PSORS1C2: variants seen among roughly 807,000 people sequenced by gnomAD.
The protein encoded by PSORS1C2 is psoriasis susceptibility 1 candidate gene 2 protein.
In PSORS1C2, 13 loss-of-function variants were observed where a neutral mutation model predicts 12.2. The observed-to-expected ratio is 1.07, with a 90% CI of 0.70 to 1.70. The LOEUF is 1.70. Ranked by LOEUF, PSORS1C2 falls within the 40% of genes most tolerant of loss-of-function variation. The pLI, the probability that PSORS1C2 is intolerant of heterozygous loss-of-function variation, is 0.00. For missense variants in PSORS1C2, 186 were observed against 173.4 expected (o/e 1.07, Z -0.41); for synonymous variants, 76 against 69.2 (o/e 1.10, Z -0.49).
rs779176995 is a variant in PSORS1C2 at position 31,138,729 on chromosome 6, C to A, written c.55+243G>T. On this transcript the variant is annotated intron_variant, in intron 1 of 1. Transcript: ENST00000259845. ...CCAGCTCCGAGGAAACTCGTCCCCC[C>A]CACGTTAATCCTGACCGACTTTGCC... The A allele has an allele frequency of 4.3e-6, 7 of 1,613,692 alleles. No homozygotes were observed. In the Admixed American group the frequency reaches 1.2e-4, roughly 27 times the overall value.
At chr6:31,138,859 C>T (rs1303660264) in intron 1 of PSORS1C2, 113 bp downstream of exon 1, 2 of 1,603,954 alleles carry the variant, frequency 1.2e-6, no homozygotes, top group African/African-American at 1.3e-5. Context: ...CCAGATGCAC[C>T]TTCTGCGTCC....
Position 31,138,977 on chromosome 6 carries a change from G to C in PSORS1C2, c.50C>G (p.Thr17Ser), listed in dbSNP as rs1237583432. ...LLGILVLCLH[T>S]RGISGSEGHP... The stretch of plus-strand genomic sequence containing the variant: ...TGCCTCTGTTCCCACCTCACCTCTG[G>C]TGTGCAGGCAAAGGACCAGGATCCC... The change falls in exon 1 of 2, where the codon ACC (threonine) becomes AGC (serine). Residue 17 changes from threonine (T) to serine (S), a missense_variant. Physicochemically the swap from Thr to Ser is moderately conservative, Grantham distance 58 (BLOSUM62 1). Coordinates refer to ENST00000259845, the MANE Select transcript of PSORS1C2 (RefSeq NM_014069.3). 5.0e-6 allele frequency: 8 copies of C among 1,613,868 alleles called. No individual in the cohort carries two copies. The highest frequency in any genetic ancestry group is 4.4e-5 in the South Asian group (4 of 91,074).
In PSORS1C2 at chr6:31,138,196, C is replaced by T. The variant is rs779662331; in HGVS notation, c.166G>A (p.Gly56Arg). 8.9e-6 allele frequency: 14 copies of T among 1,577,048 alleles called. No individual in the cohort carries two copies. The highest frequency in any genetic ancestry group is 1.4e-5 in the African/African-American group (1 of 73,588). ...GGATCTTCAAAGAGAGGGGGTGCCCCTGGCCAAGGGTCACCGGGGACTGGG... is the reference window on the plus strand; with the variant it reads ...GGATCTTCAAAGAGAGGGGGTGCCCTTGGCCAAGGGTCACCGGGGACTGGG... ...GPPVPGDPWPGAPPLFEDPPP... is the reference protein window; with the variant it reads ...GPPVPGDPWPRAPPLFEDPPP... The change falls in exon 2 of 2, where the codon GGG becomes AGG. Residue 56 changes from glycine to arginine, a missense_variant. Transcript: ENST00000259845.
In PSORS1C2 at chr6:31,138,314, G is replaced by A; in HGVS notation, c.56-8C>T. ...CCTCGCTGCCTGAGATGCCTGTAAAGGAGGAAGGAGAAAGGTAAGAGGTGG... is the reference window on the plus strand; with the variant it reads ...CCTCGCTGCCTGAGATGCCTGTAAAAGAGGAAGGAGAAAGGTAAGAGGTGG... On this transcript the variant is annotated splice_polypyrimidine_tract_variant and splice_region_variant and intron_variant, in intron 1 of 1. Transcript: ENST00000259845. 1 of 1,604,788 alleles carries A rather than the reference G, an allele frequency of 6.2e-7. No homozygotes were observed. Among genetic ancestry groups the A allele is most frequent in the South Asian group, 1.1e-5 (1 of 90,308 alleles).
Position 31,138,184 on chromosome 6 carries a change from G to C in PSORS1C2, c.178C>G (p.Leu60Val), listed in dbSNP as rs1028253324. Residue 60 changes from leucine (L) to valine (V), a missense_variant, in exon 2 of 2, where the codon CTC becomes GTC. Physicochemically the swap from Leu to Val is conservative, Grantham distance 32 (BLOSUM62 1). Coordinates refer to ENST00000259845, the MANE Select transcript of PSORS1C2 (RefSeq NM_014069.3). ...CGGGTAGGCGGAGGATCTTCAAAGA[G>C]AGGGGGTGCCCCTGGCCAAGGGTCA... is the stretch of plus-strand genomic sequence containing the variant. ...PGDPWPGAPPLFEDPPPTRPS... is the reference protein window; with the variant it reads ...PGDPWPGAPPVFEDPPPTRPS... The C allele has an allele frequency of 6.3e-7, 1 of 1,582,018 alleles. No homozygotes were observed. Among genetic ancestry groups the C allele is most frequent in the East Asian group, 2.2e-5 (1 of 44,796 alleles).
chr6:31,138,470 A>G, intron 1 of PSORS1C2, 164 bp from the exon 2 acceptor site: 1 of 1,611,400 alleles, frequency 6.2e-7, no homozygotes, highest in South Asian at 1.1e-5. Flanking sequence ...GTAGGTTTGT[A>G]AATACTTAAC....
At position 31,138,725 on chromosome 6, in the gene PSORS1C2, C is replaced by G. The variant is rs1220196209; in HGVS notation, c.55+247G>C. 2 of 1,576,244 alleles carry G rather than the reference C, an allele frequency of 1.3e-6. No homozygotes were observed. The highest frequency in any genetic ancestry group is 1.7e-6 in the Non-Finnish European group (2 of 1,163,088). On this transcript the variant is annotated intron_variant, in intron 1 of 1. Transcript: ENST00000259845. Reference sequence around the variant, plus strand: ...GATCCCAGCTCCGAGGAAACTCGTCCCCCCCACGTTAATCCTGACCGACTT... The same window carrying G: ...GATCCCAGCTCCGAGGAAACTCGTCGCCCCCACGTTAATCCTGACCGACTT...
rs746911228 is a variant in PSORS1C2 at position 31,137,987 on chromosome 6, C to G, written c.375G>C (p.Glu125Asp). The part of the protein sequence containing the change: ...APEVDNRPQE[E>D]PDLDPPREEY... ...CTTCCCGGGGTGGGTCTAGGTCTGG[C>G]TCCTCCTGAGGTCGGTTGTCCACCT... Residue 125 changes from glutamate to aspartate, a missense_variant, in exon 2 of 2, where the codon GAG (glutamate) becomes GAC (aspartate). Physicochemically the swap from Glu to Asp is conservative, Grantham distance 45 (BLOSUM62 2). Transcript: ENST00000259845. 6.6e-6 allele frequency: 10 copies of G among 1,513,156 alleles called. No individual in the cohort carries two copies. Among genetic ancestry groups the G allele is most frequent in the Non-Finnish European group, 7.9e-6 (9 of 1,133,012 alleles). The allele number at this position is 1,513,156 out of a possible 1,614,324, so 93.7% of individuals were successfully genotyped here. A position where few individuals can be genotyped will look rare whatever the true frequency, so the allele number is the denominator to read the frequency against.
At chr6:31,138,700 G>C (rs1268874262) in intron 1 of PSORS1C2, 1 of 1,611,360 alleles carries the variant, frequency 6.2e-7, no homozygotes, top group South Asian at 1.1e-5. Context: ...CCTTAACACA[G>C]ATCCCAGCTC....
At chr6:31,138,475 C>T (rs570814240) in intron 1 of PSORS1C2, 169 bp from the exon 2 acceptor site, 3 of 1,610,620 alleles carry the variant, frequency 1.9e-6, no homozygotes, top group East Asian at 4.5e-5. Flanking sequence ...TTTGTAAATA[C>T]TTAACTGATG....
rs1773255865 is a variant in PSORS1C2 at position 31,138,228 on chromosome 6, T to G, written c.134A>C (p.Gln45Pro). The change falls in exon 2 of 2, where the codon CAG becomes CCG. Residue 45 changes from glutamine (Q) to proline (P), a missense_variant. By Grantham distance (76) the Gln-to-Pro change is moderately conservative. Transcript: ENST00000259845. ...AGGGTCACCGGGGACTGGGGGGCCC[T>G]GAGGCAATGTTGGGGAGCCTGCCTC... ...REEAGSPTLP[Q>P]GPPVPGDPWP... The G allele has an allele frequency of 6.4e-7, 1 of 1,566,848 alleles. No individual in the cohort carries two copies. The highest frequency in any genetic ancestry group is 8.6e-7 in the Non-Finnish European group (1 of 1,158,716).
At chr6:31,138,420 C>G (rs1484527803) in intron 1 of PSORS1C2, 114 bp from the exon 2 acceptor site, 3 of 1,612,582 alleles carry the variant, frequency 1.9e-6, no homozygotes, top group Non-Finnish European at 1.7e-6. Context: ...CTGAACTGAC[C>G]CACAAACAGA....
chr6:31,138,697 A>C (rs756886699), intron 1 of PSORS1C2: 1 of 1,612,146 alleles, frequency 6.2e-7, no homozygotes, highest in Non-Finnish European at 8.5e-7. Context: ...GCTCCTTAAC[A>C]CAGATCCCAG....
At chr6:31,138,792 T>A (rs1409035356) in intron 1 of PSORS1C2, 180 bp downstream of exon 1, 2 of 1,614,070 alleles carry the variant, frequency 1.2e-6, no homozygotes, top group Non-Finnish European at 8.5e-7. Context: ...GAGAGCCAAA[T>A]GCACCTTCTG....
chr6:31,138,745 C>A, intron 1 of PSORS1C2: 7 of 1,614,094 alleles, frequency 4.3e-6, no homozygotes, highest in Non-Finnish European at 5.9e-6. Flanking sequence ...TAATCCTGAC[C>A]GACTTTGCCA....
In PSORS1C2 at chr6:31,138,075, C is replaced by T. The variant is rs760938281; in HGVS notation, c.287G>A (p.Arg96Gln). The change falls in exon 2 of 2, where the codon CGG becomes CAG. Residue 96 changes from arginine to glutamine, a missense_variant. Transcript: ENST00000259845. ...PPRTDPPQPPRPDDPWPAGPQ... is the reference protein window; with the variant it reads ...PPRTDPPQPPQPDDPWPAGPQ... ...TCCTGCCGGCCAAGGGTCGTCAGGC[C>T]GGGGAGGTTGAGGAGGATCCGTTCT... 1.9e-6 allele frequency: 3 copies of T among 1,566,454 alleles called. No homozygotes were observed. Among genetic ancestry groups the T allele is most frequent in the Admixed American group, 1.9e-5 (1 of 52,228 alleles).
chr6:31,138,341 G>C (rs368467503), intron 1 of PSORS1C2, 35 bp from the exon 2 acceptor site: 79 of 1,607,268 alleles, frequency 4.9e-5, no homozygotes, highest in Non-Finnish European at 5.3e-5. Context: ...AAGAGGTGGT[G>C]AGGGCTTCTC....
Position 31,138,100 on chromosome 6 carries a change from T to C in PSORS1C2, c.262A>G (p.Arg88Gly). 1 of 1,600,458 alleles carries C rather than the reference T, an allele frequency of 6.2e-7. No homozygotes were observed. The part of the protein sequence containing the change: ...ETGVWLPEPP[R>G]TDPPQPPRPD... The stretch of plus-strand genomic sequence containing the variant: ...CGGGGAGGTTGAGGAGGATCCGTTC[T>C]AGGCGGTTCAGGGAGCCAGACTCCA... The change falls in exon 2 of 2, where the codon AGA (arginine) becomes GGA (glycine). Residue 88 changes from arginine to glycine, a missense_variant. Physicochemically the swap from Arg to Gly is moderately radical, Grantham distance 125. Transcript: ENST00000259845.
Position 31,139,022 on chromosome 6 carries a change from A to G in PSORS1C2, c.5T>C (p.Ile2Thr). The change falls in exon 1 of 2, where the codon ATC (isoleucine) becomes ACC (threonine). Residue 2 changes from isoleucine (I) to threonine (T), a missense_variant. By Grantham distance (89) the Ile-to-Thr change is moderately conservative. Coordinates refer to ENST00000259845, the MANE Select transcript of PSORS1C2 (RefSeq NM_014069.3). This position sits in a 1 kb window ranked among gnomAD's most constrained non-coding sequence, Gnocchi z 5.2. ...GATCCCCAGGAGCTTCCAGTTGAGG[A>G]TCATGGCTATGTACTGGCCCCCAAA... M[I>T]LNWKLLGILV... is the part of the protein sequence containing the mutation. The G allele has an allele frequency of 6.2e-7, 1 of 1,614,046 alleles. No individual in the cohort carries two copies. The highest frequency in any genetic ancestry group is 1.3e-5 in the African/African-American group (1 of 75,028).
Sources: gnomAD v4.1 joint callset for allele counts on GRCh38, gnomAD v4.1.1 for gene constraint, Gnocchi (gnomAD v3.1) non-coding constraint, MANE v1.5 for transcripts, NCBI Gene and HGNC (gene_info 2026-07-23, HGNC 2026-07-21) for gene names.